The following UBL3 variants were observed in gnomAD, a reference collection of about 807,000 sequenced individuals.
UBL3 encodes the protein ubiquitin like 3, also known as ubiquitin-like protein 3.
In UBL3, 6 loss-of-function variants were observed where a neutral mutation model predicts 18.4. The observed-to-expected ratio is 0.33, with a 90% CI of 0.18 to 0.64. The LOEUF (loss-of-function observed/expected upper bound fraction) is 0.64, where lower values mean the gene tolerates loss of function less well. UBL3 is among the 30% of genes least tolerant of loss of function. UBL3 has a pLI of 0.76. For missense variants in UBL3, 109 were observed against 142.9 expected, an observed-to-expected ratio of 0.76 and a Z score of 1.21; for synonymous variants, 49 against 46.6, an observed-to-expected ratio of 1.05 and a Z score of -0.21.
At chr13:29,787,639 G>A (rs1877359124) in intron 1 of UBL3, among the ~76,000 whole-genome samples, 1 of 152,132 alleles carries the variant, frequency 6.6e-6, no homozygotes, top group Non-Finnish European at 1.5e-5. Context: ...GGATTTCAAT[G>A]TGCAATGGTA....
intron 2 of UBL3, among the ~76,000 whole-genome samples, chr13:29,772,979 A>G (rs1421371800): frequency 6.6e-6 from 1 of 152,180 alleles, no homozygotes; most frequent in African/African-American, 2.4e-5. Context: ...TAGTGTTATG[A>G]TAGGGTAAAG....
chr13:29,777,309 TA>T (rs757895061), intron 1 of UBL3, 46 bp from the exon 2 acceptor site: 2 of 1,494,788 alleles, frequency 1.3e-6, no homozygotes, highest in East Asian at 2.4e-5. Flanking sequence ...AAAAATTTTT[TA>T]AGTAAAAAAG....
chr13:29,783,409 G>A (rs1162628620), intron 1 of UBL3, among the ~76,000 whole-genome samples: 3 of 152,182 alleles, frequency 2.0e-5, no homozygotes, highest in Non-Finnish European at 4.4e-5. Context: ...CTTGCTACTA[G>A]ACTAGAGCCA....
At chr13:29,806,399 G>A (rs370190106) in intron 1 of UBL3, among the ~76,000 whole-genome samples, 2 of 152,094 alleles carry the variant, frequency 1.3e-5, no homozygotes, top group Non-Finnish European at 2.9e-5. Context: ...ATCTAATGCC[G>A]GCCTGGAAAA....
At chr13:29,832,479 C>CCA (rs1195514654) in intron 1 of UBL3, among the ~76,000 whole-genome samples, 3 of 151,952 alleles carry the variant, frequency 2.0e-5, no homozygotes, top group African/African-American at 7.3e-5. Flanking sequence ...ACTACAGGAC[C>CCA]CCACCACCGC....
rs970075359 is a variant in UBL3, at chr13:29,829,492, C to T, written c.27+20020G>A. Among the ~76,000 whole-genome samples, 11 of 152,176 alleles carry T rather than the reference C, an allele frequency of 7.2e-5. No homozygotes were observed. In the South Asian group the frequency reaches 1.2e-3, roughly 17 times the overall value. The stretch of plus-strand genomic sequence containing the variant: ...TGGGCGTGGGACCCTCCAAGCCAGG[C>T]GCGGGATATAATCTTCTGGTGTTCC... On this transcript the variant is annotated intron_variant, in intron 1 of 4. Transcript: ENST00000380680.
chr13:29,793,734 A>G (rs1402504530), intron 1 of UBL3, among the ~76,000 whole-genome samples: 2 of 152,232 alleles, frequency 1.3e-5, no homozygotes, highest in Non-Finnish European at 2.9e-5. Context: ...AACTAACACC[A>G]TAAAACGGAT....
At chr13:29,806,954 TAATA>T (rs1343660116) in intron 1 of UBL3, among the ~76,000 whole-genome samples, 1 of 152,198 alleles carries the variant, frequency 6.6e-6, no homozygotes, top group African/African-American at 2.4e-5. Context: ...AACTAATATT[TAATA>T]TATACCATAT....
intron 1 of UBL3, among the ~76,000 whole-genome samples, chr13:29,784,507 T>C (rs1877257804): frequency 6.6e-6 from 1 of 150,984 alleles, no homozygotes; most frequent in Non-Finnish European, 1.5e-5. Context: ...CTTTGCTAAA[T>C]GGCAACAAGC....
At chr13:29,845,259 T>C (rs1879201079) in intron 1 of UBL3, among the ~76,000 whole-genome samples, 1 of 152,126 alleles carries the variant, frequency 6.6e-6, no homozygotes, top group Non-Finnish European at 1.5e-5. Context: ...TAATTCAAAA[T>C]ACCAAATAGG....
At chr13:29,819,140 T>C (rs1878360256) in intron 1 of UBL3, among the ~76,000 whole-genome samples, 1 of 152,214 alleles carries the variant, frequency 6.6e-6, no homozygotes, top group Admixed American at 6.5e-5. Context: ...TATGGATACA[T>C]GGAAGTTTTA....
intron 1 of UBL3, among the ~76,000 whole-genome samples, chr13:29,812,198 C>A (rs1485357293): frequency 6.6e-6 from 1 of 152,028 alleles, no homozygotes; most frequent in Admixed American, 6.6e-5. Context: ...CCCATGTAAA[C>A]CTTCCCTTTC....
At chr13:29,818,260 C>G (rs1878334549) in intron 1 of UBL3, among the ~76,000 whole-genome samples, 1 of 151,666 alleles carries the variant, frequency 6.6e-6, no homozygotes, top group African/African-American at 2.4e-5. Context: ...TAAATTTAGA[C>G]TAACTAAGTA....
At chr13:29,840,996 A>G (rs2139368229) in intron 1 of UBL3, among the ~76,000 whole-genome samples, 1 of 152,314 alleles carries the variant, frequency 6.6e-6, no homozygotes, top group Non-Finnish European at 1.5e-5. Context: ...TGAGAATAGC[A>G]GGATACAAAA....
At chr13:29,829,460 G>C (rs1187190313) in intron 1 of UBL3, among the ~76,000 whole-genome samples, 1 of 151,812 alleles carries the variant, frequency 6.6e-6, no homozygotes, top group African/African-American at 2.4e-5. Context: ...CAATGAGCAA[G>C]GCTCCGTGGG....
At chr13:29,801,493 C>T (rs748534610) in intron 1 of UBL3, among the ~76,000 whole-genome samples, 57 of 152,244 alleles carry the variant, frequency 3.7e-4, no homozygotes, top group African/African-American at 9.4e-4. Flanking sequence ...CCTCAACCCC[C>T]GCATTTTTCA....
chr13:29,791,019 T>C (rs970221721), intron 1 of UBL3, among the ~76,000 whole-genome samples: 17 of 152,184 alleles, frequency 1.1e-4, no homozygotes, highest in Admixed American at 6.5e-5. Context: ...TAGCTGTCCA[T>C]TTCTGATCGG....
chr13:29,806,301 G>GC (rs1877898888), intron 1 of UBL3, among the ~76,000 whole-genome samples: 1 of 152,196 alleles, frequency 6.6e-6, no homozygotes, highest in Non-Finnish European at 1.5e-5. Flanking sequence ...TTATTACTCA[G>GC]CAAGTGAGTA....
intron 1 of UBL3, among the ~76,000 whole-genome samples, chr13:29,814,101 T>C (rs1290009673): frequency 6.6e-6 from 1 of 152,172 alleles, no homozygotes; most frequent in Non-Finnish European, 1.5e-5. Flanking sequence ...GAAGAAACAG[T>C]AGTTTTAGGT....
Sources: allele counts gnomAD v4.1 joint callset (sites outside exome capture counted in the v4.1 genomes callset), GRCh38; gene constraint gnomAD v4.1.1; transcripts MANE v1.5; gene names NCBI Gene and HGNC (gene_info 2026-07-23, HGNC 2026-07-21).